C19orf47: variants seen among roughly 807,000 people sequenced by gnomAD.
C19orf47 encodes chromosome 19 open reading frame 47, also known as uncharacterized protein C19orf47.
Under a neutral mutation model 32.3 loss-of-function variants are expected in C19orf47, and 18 were observed. That is an observed-to-expected ratio of 0.56 (90% CI 0.39 to 0.83). The LOEUF (loss-of-function observed/expected upper bound fraction) is 0.83. Ranked by LOEUF, C19orf47 falls within the 40% of genes least tolerant of loss-of-function variation. The pLI is 0.00. For synonymous variants in C19orf47, 202 were observed against 211.1 expected, an observed-to-expected ratio of 0.96 and a Z score of 0.37; for missense variants, 484 against 531.6, an observed-to-expected ratio of 0.91 and a Z score of 0.88.
chr19:40,300,249 G>C, the C19orf47 span, among the ~76,000 whole-genome samples: 2 of 151,826 alleles, frequency 1.3e-5, no homozygotes, highest in Non-Finnish European at 2.9e-5. Context: ...GGTGGATCAC[G>C]AGGTCAGGAG....
rs2078006847 is a variant in C19orf47, at chr19:40,333,906, C to T, written c.246G>A (p.Glu82=). The stretch of plus-strand genomic sequence containing the variant: ...GGGGGCTAGGGCTGCAGGGTACTGA[C>T]TCAGTGGCAGCTTTGCACATGTCCT... ...HRQDMCKAAT[E]SVPCSPSPLA... The change falls in exon 5 of 9, where the codon GAG becomes GAA. Residue 82 remains glutamate, a synonymous_variant. Coordinates refer to ENST00000683109, the MANE Select transcript of C19orf47 (RefSeq NM_001256441.2). 4 of 1,576,460 alleles carry T rather than the reference C, an allele frequency of 2.5e-6. No homozygotes were observed. Among genetic ancestry groups the T allele is most frequent in the East Asian group, 4.6e-5 (2 of 43,702 alleles).
At chr19:40,334,439 A>T (rs2078018196) in intron 4 of C19orf47, among the ~76,000 whole-genome samples, 1 of 149,556 alleles carries the variant, frequency 6.7e-6, no homozygotes, top group African/African-American at 2.5e-5. Context: ...ACAGAGTGAG[A>T]CCCTGTCTCC....
Position 40,321,699 on chromosome 19 carries a change from G to A in C19orf47, c.*183C>T, listed in dbSNP as rs145840741. 2.2e-5 allele frequency: 31 copies of A among 1,418,264 alleles called. 1 individual carries two copies. In the South Asian group the frequency reaches 2.9e-4, roughly 13 times the overall value. 87.9% of individuals were successfully genotyped at this position (1,418,264 alleles called of 1,614,324 possible). A position where few individuals can be genotyped will look rare whatever the true frequency, so the allele number is the denominator to read the frequency against. Reference sequence around the variant, plus strand: ...TCCTGGAGCAGGCCAGGCCAGCTGCGACGACCATCCCAGGCTAGGAGAAAT... The same window carrying A: ...TCCTGGAGCAGGCCAGGCCAGCTGCAACGACCATCCCAGGCTAGGAGAAAT... On this transcript the variant is annotated 3_prime_UTR_variant, in exon 9 of 9. Coordinates refer to ENST00000683109, the MANE Select transcript of C19orf47 (RefSeq NM_001256441.2).
In C19orf47 at chr19:40,322,141, C is replaced by T. The variant is rs149589944; in HGVS notation, c.899G>A (p.Arg300Gln). 7.7e-4 allele frequency: 1,238 copies of T among 1,613,956 alleles called. No homozygotes were observed. Among genetic ancestry groups the T allele is most frequent in the Non-Finnish European group, 9.7e-4 (1,145 of 1,180,008 alleles). Residue 300 changes from arginine to glutamine, a missense_variant, in exon 9 of 9, where the codon CGG becomes CAG. Arg to Gln is a conservative substitution (Grantham distance 43). This residue lies in a region of C19orf47 where 376 missense variants were observed against 370.2 expected (regional missense o/e 1.02). Coordinates refer to ENST00000683109, the MANE Select transcript of C19orf47 (RefSeq NM_001256441.2). ...CTCCGGCTTCCTCTCAAGCCCAGAC[C>T]GTGAGGAAAGCGCCAGGCGCCGCAG... is the stretch of plus-strand genomic sequence containing the variant. ...PTLRRLALSS[R>Q]SGLERKPESL... is the part of the protein sequence containing the mutation.
chr19:40,343,129 A>G (rs1484208497), intron 1 of C19orf47, among the ~76,000 whole-genome samples: 1 of 152,022 alleles, frequency 6.6e-6, no homozygotes. Context: ...CTTCCTTCCT[A>G]CTTAGCCCTC....
At chr19:40,303,620 C>T in the C19orf47 span, among the ~76,000 whole-genome samples, 7 of 151,174 alleles carry the variant, frequency 4.6e-5, no homozygotes, top group Non-Finnish European at 7.4e-5. Flanking sequence ...CTGGCTAACA[C>T]GGTAAAACCC....
intron 7 of C19orf47, 175 bp from the exon 8 acceptor site, chr19:40,324,251 C>T: frequency 3.1e-6 from 2 of 637,178 alleles, no homozygotes; most frequent in South Asian, 3.6e-5. Context: ...TAACCCACCC[C>T]TATCTGGCTA....
chr19:40,317,381 A>T (rs1332761426), downstream of C19orf47, among the ~76,000 whole-genome samples: 1 of 152,086 alleles, frequency 6.6e-6, no homozygotes, highest in South Asian at 2.1e-4. Context: ...ATTGCTTGAG[A>T]CTAGTAGTTT....
the C19orf47 span, among the ~76,000 whole-genome samples, chr19:40,310,235 C>CAA: frequency 1.4e-5 from 2 of 143,528 alleles, no homozygotes; most frequent in Admixed American, 7.0e-5. Flanking sequence ...GACTCCATCT[C>CAA]AAAAAAAAAA....
At chr19:40,302,199 T>C in the C19orf47 span, among the ~76,000 whole-genome samples, 4 of 152,198 alleles carry the variant, frequency 2.6e-5, no homozygotes, top group Non-Finnish European at 5.9e-5. Flanking sequence ...TCAATCATTA[T>C]TCTTACTGCT....
the C19orf47 span, among the ~76,000 whole-genome samples, chr19:40,306,917 G>A: frequency 6.6e-6 from 1 of 151,328 alleles, no homozygotes; most frequent in East Asian, 2.0e-4. Flanking sequence ...AGCCTCCTGA[G>A]TAGCTGGGAC....
In C19orf47 at chr19:40,324,134, C is replaced by G. The variant is rs1293168201; in HGVS notation, c.593-58G>C. Reference sequence around the variant, plus strand: ...CCCGGTGGGCCAGGCCTAGGCTGAGCTCTGTACAGACACCAAGGCAGCCCA... The same window carrying G: ...CCCGGTGGGCCAGGCCTAGGCTGAGGTCTGTACAGACACCAAGGCAGCCCA... On this transcript the variant is annotated intron_variant, in intron 7 of 8. Transcript: ENST00000683109. The G allele has an allele frequency of 2.6e-6, 4 of 1,561,238 alleles. No homozygotes were observed. The East Asian group carries it at 9.0e-5, about 35-fold the overall frequency.
At chr19:40,312,692 A>T in the C19orf47 span, among the ~76,000 whole-genome samples, 1 of 152,174 alleles carries the variant, frequency 6.6e-6, no homozygotes, top group African/African-American at 2.4e-5. Context: ...TGGGCCCCAG[A>T]TAAGTGCCAG....
chr19:40,314,698 A>AC (rs750095044), downstream of C19orf47, among the ~76,000 whole-genome samples: 1 of 151,670 alleles, frequency 6.6e-6, no homozygotes, highest in Non-Finnish European at 1.5e-5. Flanking sequence ...TGGAGCATAA[A>AC]CCCCCCAACT....
Position 40,348,394 on chromosome 19 carries a change from C to T in C19orf47, c.-104G>A. On this transcript the variant is annotated 5_prime_UTR_variant, in exon 1 of 9. Transcript: ENST00000683109. ...CCGGCGGCGCCAACTGTCAGACACT[C>T]CTCCCCCGGCCCGGGCTGCCCGCCC... 1 of 1,471,782 alleles carries T rather than the reference C, an allele frequency of 6.8e-7. No individual in the cohort carries two copies. The highest frequency in any genetic ancestry group is 9.0e-7 in the Non-Finnish European group (1 of 1,115,728). 91.2% of individuals were successfully genotyped at this position (1,471,782 alleles called of 1,614,324 possible).
At chr19:40,294,423 G>C in the C19orf47 span, among the ~76,000 whole-genome samples, 3 of 151,890 alleles carry the variant, frequency 2.0e-5, no homozygotes, top group Admixed American at 2.0e-4. Flanking sequence ...TTTTTGTTTG[G>C]TTATTTTTTT....
chr19:40,327,619 G>T (rs2077861743), intron 6 of C19orf47, among the ~76,000 whole-genome samples: 2 of 152,128 alleles, frequency 1.3e-5, no homozygotes, highest in African/African-American at 2.4e-5. Flanking sequence ...TTCCACATTT[G>T]CCTTATGACA....
intron 7 of C19orf47, among the ~76,000 whole-genome samples, chr19:40,325,725 GA>G (rs1318403798): frequency 2.6e-5 from 4 of 152,220 alleles, no homozygotes; most frequent in African/African-American, 9.6e-5. Context: ...AAGAGACGGG[GA>G]TATGGGAGTG....
downstream of C19orf47, among the ~76,000 whole-genome samples, chr19:40,317,758 C>T (rs1294188963): frequency 4.2e-5 from 6 of 143,950 alleles, no homozygotes; most frequent in East Asian, 5.9e-4. Context: ...CTCACTCTGT[C>T]GCCCAGGCTG....
Sources: gnomAD v4.1 joint callset for allele counts (sites outside exome capture counted in the v4.1 genomes callset) on GRCh38, gnomAD v4.1.1 for gene constraint, gnomAD v4.1.1 regional missense constraint, MANE v1.5 for transcripts, NCBI Gene and HGNC (gene_info 2026-07-23, HGNC 2026-07-21) for gene names.